SLC13A3: variants seen among roughly 807,000 people sequenced by gnomAD.
The protein encoded by SLC13A3 is solute carrier family 13 member 3, also known as Na(+)/dicarboxylate cotransporter 3.
Under a neutral mutation model 59.0 loss-of-function variants are expected in SLC13A3, and 40 were observed. That is an observed-to-expected ratio of 0.68 (90% CI 0.53 to 0.88). The LOEUF is 0.88. Among genes scored for constraint, SLC13A3 ranks in the 40% least tolerant of loss-of-function variants. The probability of loss-of-function intolerance (pLI) is 0.00; values close to 1 mark genes in which losing one functional copy is unlikely to be tolerated. For synonymous variants in SLC13A3, 317 were observed against 330.3 expected (o/e 0.96, Z 0.44); for missense variants, 699 against 783.2 (o/e 0.89, Z 1.28).
intron 5 of SLC13A3, among the ~76,000 whole-genome samples, chr20:46,595,297 G>T (rs925620062): frequency 6.6e-6 from 1 of 152,180 alleles, no homozygotes; most frequent in South Asian, 2.1e-4. Context: ...TTGTGCAGTT[G>T]GAACATCTTT....
At chr20:46,674,516 T>C (rs939137069), upstream of SLC13A3, among the ~76,000 whole-genome samples, 4 of 152,152 alleles carry the variant, frequency 2.6e-5, no homozygotes, top group Admixed American at 2.6e-4. Flanking sequence ...GTTCTGTTTT[T>C]TGTTCCAAAC....
intron 1 of SLC13A3, among the ~76,000 whole-genome samples, chr20:46,668,113 A>G (rs1233459445): frequency 6.6e-6 from 1 of 152,218 alleles, no homozygotes; most frequent in Non-Finnish European, 1.5e-5. Flanking sequence ...AATTAGTCCA[A>G]CTAATAATCC....
Position 46,613,876 on chromosome 20 carries a change from A to G in SLC13A3, c.112-151T>C, listed in dbSNP as rs2062528874. ...GCAGGGCCTGCCCCGGCTTGTTCTC[A>G]GGGCAGCAGTGGAGCAGGTGTGTGC... On this transcript the variant is annotated intron_variant, in intron 1 of 12. Transcript: ENST00000279027. The G allele has an allele frequency of 3.2e-5, 21 of 656,046 alleles. No homozygotes were observed. In the East Asian group the frequency reaches 3.7e-4, roughly 12 times the overall value. The allele number at this position is 656,046 out of a possible 1,614,324, so 40.6% of individuals were successfully genotyped here.
chr20:46,611,016 C>T (rs897354246), intron 2 of SLC13A3, among the ~76,000 whole-genome samples: 8 of 152,114 alleles, frequency 5.3e-5, no homozygotes, highest in African/African-American at 1.4e-4. Flanking sequence ...ACTTCTCACC[C>T]GCACCCAACA....
At chr20:46,624,634 T>C (rs2062649919) in intron 1 of SLC13A3, among the ~76,000 whole-genome samples, 1 of 152,218 alleles carries the variant, frequency 6.6e-6, no homozygotes. Context: ...TTAGCATAAG[T>C]ATATCCCATG....
intron 1 of SLC13A3, among the ~76,000 whole-genome samples, chr20:46,633,770 T>C (rs752967170): frequency 6.6e-6 from 1 of 152,236 alleles, no homozygotes; most frequent in Non-Finnish European, 1.5e-5. Flanking sequence ...AGTGACTTGC[T>C]CAAGGCCCTC....
rs546736279 is a variant in SLC13A3, at chr20:46,613,615, G to A, written c.222C>T (p.Gly74=). Residue 74 remains glycine (G), a synonymous_variant, in exon 2 of 13, where the codon GGC becomes GGT. Coordinates refer to ENST00000279027, the MANE Select transcript of SLC13A3 (RefSeq NM_022829.6). The stretch of plus-strand genomic sequence containing the variant: ...GGCAGACCTTGTTGGAGGGCAAGAT[G>A]CCCATGAAGGGGAAGAGGACGATGG... ...LLPIVLFPFM[G]ILPSNKVCPQ... is the part of the protein sequence containing the mutation. The A allele has an allele frequency of 6.2e-5, 100 of 1,612,912 alleles. 1 individual carries two copies. In the South Asian group the frequency reaches 1.1e-3, roughly 17 times the overall value.
At chr20:46,639,591 C>T (rs546869304) in intron 1 of SLC13A3, among the ~76,000 whole-genome samples, 1 of 152,332 alleles carries the variant, frequency 6.6e-6, no homozygotes, top group African/African-American at 2.4e-5. Flanking sequence ...TCAGAAAGCC[C>T]TCTGAGATTT....
At chr20:46,608,824 C>A in intron 3 of SLC13A3, 1 of 1,498,078 alleles carries the variant, frequency 6.7e-7, no homozygotes, top group Non-Finnish European at 8.9e-7. Flanking sequence ...GTAAATGATC[C>A]AAAGCCACAG....
rs1297602686 is a variant in SLC13A3 at position 46,559,468 on chromosome 20, T to C, written c.*554A>G. On this transcript the variant is annotated 3_prime_UTR_variant, in exon 13 of 13. Coordinates refer to ENST00000279027, the MANE Select transcript of SLC13A3 (RefSeq NM_022829.6). Reference sequence around the variant, plus strand: ...CCTGTCTCCAAGGATTAAAAAAGAATCTCTGACTGCTGGTTATCGGCAGGG... The same window carrying C: ...CCTGTCTCCAAGGATTAAAAAAGAACCTCTGACTGCTGGTTATCGGCAGGG... 6.6e-6 allele frequency: 1 copy of C among 152,388 alleles called. No individual in the cohort carries two copies. The highest frequency in any genetic ancestry group is 2.4e-5 in the African/African-American group (1 of 41,458). 9.4% of individuals were successfully genotyped at this position (152,388 alleles called of 1,614,324 possible). A position where few individuals can be genotyped will look rare whatever the true frequency, so the allele number is the denominator to read the frequency against.
intron 1 of SLC13A3, among the ~76,000 whole-genome samples, chr20:46,614,638 C>T (rs372364127): frequency 6.6e-6 from 1 of 152,114 alleles, no homozygotes; most frequent in African/African-American, 2.4e-5. Flanking sequence ...CTATTAAGTA[C>T]CAGGTGCTAT....
At chr20:46,682,921 T>C (rs2063160295) in intron 1 of SLC13A3, among the ~76,000 whole-genome samples, 1 of 152,166 alleles carries the variant, frequency 6.6e-6, no homozygotes, top group African/African-American at 2.4e-5. Flanking sequence ...CCTTAGCCCT[T>C]TGTGAGAGGA....
At position 46,577,171 on chromosome 20, in the gene SLC13A3, C is replaced by T. The variant is rs4810519; in HGVS notation, c.1220-1486G>A. ...CCCACAGGTGTATGCAGTCTACAGA[C>T]GTATGAAGCCCACAGGTGTATGCAG... On this transcript the variant is annotated intron_variant, in intron 9 of 12. Coordinates refer to ENST00000279027, the MANE Select transcript of SLC13A3 (RefSeq NM_022829.6). Among the ~76,000 whole-genome samples the T allele has an allele frequency of 1.6e-3, 240 of 149,744 alleles. 1 individual carries two copies. The East Asian group carries it at 0.043, about 27-fold the overall frequency.
At chr20:46,609,842 A>G (rs2062475382) in intron 3 of SLC13A3, among the ~76,000 whole-genome samples, 2 of 152,204 alleles carry the variant, frequency 1.3e-5, no homozygotes, top group Admixed American at 1.3e-4. Flanking sequence ...GAATATCACT[A>G]TGTGCGTTCC....
In SLC13A3 at chr20:46,634,977, C is replaced by A. The variant is rs962378163; in HGVS notation, c.111+16334G>T. ...CTTTGCAGCTGGTGCTAATGGGAGG[C>A]CTTTCTCCAGGTGAAGTGAAACCCT... On this transcript the variant is annotated intron_variant, in intron 1 of 12. Transcript: ENST00000279027. 6.6e-5 allele frequency among the ~76,000 whole-genome samples: 10 copies of A among 152,132 alleles called. No homozygotes were observed. The South Asian group carries it at 2.1e-3, about 32-fold the overall frequency.
At position 46,651,350 on chromosome 20, in the gene SLC13A3, C is replaced by T. The variant is rs551285339; in HGVS notation, c.72G>A (p.Pro24=). Residue 24 remains proline, a synonymous_variant, in exon 1 of 13, where the codon CCG becomes CCA. Transcript: ENST00000279027. ...CGAAGACCACCGGCAGCAGCGCGAG[C>T]GGCGTGAACAGCAGCACCAGCAGCC... ...ARRLLVLLFT[P]LALLPVVFAL... 2 of 1,513,114 alleles carry T rather than the reference C, an allele frequency of 1.3e-6. No individual in the cohort carries two copies. The highest frequency in any genetic ancestry group is 2.1e-5 in the Admixed American group (1 of 47,478). The allele number at this position is 1,513,114 out of a possible 1,614,324, so 93.7% of individuals were successfully genotyped here. A position where few individuals can be genotyped will look rare whatever the true frequency, so the allele number is the denominator to read the frequency against.
chr20:46,559,959 G>T lies in SLC13A3; in HGVS notation c.*63C>A. 1 of 1,481,392 alleles carries T rather than the reference G, an allele frequency of 6.8e-7. No homozygotes were observed. The highest frequency in any genetic ancestry group is 9.4e-7 in the Non-Finnish European group (1 of 1,066,490). 91.8% of individuals were successfully genotyped at this position (1,481,392 alleles called of 1,614,324 possible). On this transcript the variant is annotated 3_prime_UTR_variant, in exon 13 of 13. Coordinates refer to ENST00000279027, the MANE Select transcript of SLC13A3 (RefSeq NM_022829.6). The stretch of plus-strand genomic sequence containing the variant: ...TATTTGATTGTTTTGTAGTGTCCTA[G>T]CAGCAGGTGATGGTGACAGCCCTTT...
chr20:46,613,816 C>T, intron 1 of SLC13A3, 91 bp from the exon 2 acceptor site: 3 of 1,193,342 alleles, frequency 2.5e-6, no homozygotes, highest in Non-Finnish European at 3.4e-6. Context: ...GGGAAGGAGG[C>T]CTGGGCTGGG....
intron 1 of SLC13A3, among the ~76,000 whole-genome samples, chr20:46,681,174 A>G (rs1035029412): frequency 6.6e-6 from 1 of 152,240 alleles, no homozygotes; most frequent in African/African-American, 2.4e-5. Flanking sequence ...CCATGTGCTC[A>G]CTAAGTACCC....
Sources: allele counts gnomAD v4.1 joint callset (sites outside exome capture counted in the v4.1 genomes callset), GRCh38; gene constraint gnomAD v4.1.1; transcripts MANE v1.5; gene names NCBI Gene and HGNC (gene_info 2026-07-23, HGNC 2026-07-21).